DACH1: variants seen among roughly 807,000 people sequenced by gnomAD.
DACH1 encodes dachshund family transcription factor 1, also known as dachshund homolog 1.
A neutral mutation model predicts 54.2 loss-of-function variants in DACH1; 12 were observed. The ratio of observed to expected loss-of-function variants is 0.22; its 90% CI spans 0.14 to 0.36. The LOEUF (loss-of-function observed/expected upper bound fraction) is 0.36. DACH1 is among the 10% of genes least tolerant of loss of function. The probability of loss-of-function intolerance (pLI) is 1.00; values close to 1 mark genes in which losing one functional copy is unlikely to be tolerated. For missense variants in DACH1, 805 were observed against 929.8 expected (o/e 0.87, Z 1.75); for synonymous variants, 386 against 366.2 (o/e 1.05, Z -0.62).
chr13:71,833,851 A>G (rs1235142441), intron 1 of DACH1, among the ~76,000 whole-genome samples: 1 of 152,096 alleles, frequency 6.6e-6, no homozygotes, highest in Non-Finnish European at 1.5e-5. Context: ...ACTACAATTT[A>G]TTAACTAGCA....
rs191917434 is a variant in DACH1 at position 71,848,754 on chromosome 13, T to A, written c.848+17168A>T. On this transcript the variant is annotated intron_variant, in intron 1 of 10. Transcript: ENST00000613252. ...TGCCCAGGATGGTCTGGAACCCCCA[T>A]GCTCAAGTGATCCTCCCACCTTGGC... Among the ~76,000 whole-genome samples, 49 of 152,196 alleles carry A rather than the reference T, an allele frequency of 3.2e-4. 1 individual carries two copies. Among genetic ancestry groups the A allele is most frequent in the Admixed American group, 2.9e-3 (45 of 15,290 alleles).
chr13:71,866,445 C>T lies in DACH1; in HGVS notation c.325G>A (p.Ala109Thr). The stretch of plus-strand genomic sequence containing the variant: ...CCGCCGCTGCCGTTGCTCGCGGCCG[C>T]CAGGTTGGGGTTGCAGTTGCTGCCA... The part of the protein sequence containing the change: ...GGGSNCNPNL[A>T]AASNGSGGGG... Residue 109 changes from alanine (A) to threonine (T), a missense_variant, in exon 1 of 11, where the codon GCG (alanine) becomes ACG (threonine). Ala to Thr is a moderately conservative substitution (Grantham distance 58, BLOSUM62 0). Around this residue, in one of 3 missense-constraint regions of DACH1, gnomAD observed 305 missense variants for 308.7 expected, o/e 0.99. Transcript: ENST00000613252. 3.6e-6 allele frequency: 5 copies of T among 1,406,612 alleles called. No homozygotes were observed. In the South Asian group the frequency reaches 5.8e-5, roughly 16 times the overall value. 87.1% of individuals were successfully genotyped at this position (1,406,612 alleles called of 1,614,324 possible).
At chr13:71,676,083 T>C (rs1356175457) in intron 2 of DACH1, among the ~76,000 whole-genome samples, 1 of 152,246 alleles carries the variant, frequency 6.6e-6, no homozygotes, top group East Asian at 1.9e-4. Flanking sequence ...TAGATTGTTA[T>C]GTTTAATTTA....
chr13:71,449,369 T>A (rs1257133534), intron 10 of DACH1, among the ~76,000 whole-genome samples: 1 of 152,008 alleles, frequency 6.6e-6, no homozygotes, highest in East Asian at 1.9e-4. Flanking sequence ...ATGAATTACA[T>A]AATAGACCAA....
chr13:71,649,042 A>G (rs1878494165), intron 2 of DACH1, among the ~76,000 whole-genome samples: 1 of 152,192 alleles, frequency 6.6e-6, no homozygotes, highest in Non-Finnish European at 1.5e-5. Flanking sequence ...ATAGTCATGC[A>G]CTGCATAATG....
chr13:71,822,887 A>C (rs1222122009), intron 1 of DACH1, among the ~76,000 whole-genome samples: 1 of 152,166 alleles, frequency 6.6e-6, no homozygotes, highest in African/African-American at 2.4e-5. Flanking sequence ...AATGAAAAAA[A>C]TCATAATCTG....
intron 2 of DACH1, among the ~76,000 whole-genome samples, chr13:71,658,127 G>T (rs1879258503): frequency 6.6e-6 from 1 of 152,110 alleles, no homozygotes; most frequent in Non-Finnish European, 1.5e-5. Context: ...CATAATGTTT[G>T]AAAATATCAT....
intron 1 of DACH1, among the ~76,000 whole-genome samples, chr13:71,748,243 T>C (rs1884693752): frequency 1.3e-5 from 2 of 151,724 alleles, no homozygotes; most frequent in African/African-American, 4.8e-5. Flanking sequence ...AGGGTAACAT[T>C]GTCTCTGCTC....
intron 2 of DACH1, among the ~76,000 whole-genome samples, chr13:71,663,897 C>T (rs1391550279): frequency 8.8e-4 from 134 of 152,034 alleles, no homozygotes; most frequent in African/African-American, 3.0e-3. Flanking sequence ...TTAATATCCA[C>T]ATAATTTTTC....
intron 6 of DACH1, among the ~76,000 whole-genome samples, chr13:71,491,303 A>G (rs1417963752): frequency 6.6e-6 from 1 of 152,146 alleles, no homozygotes; most frequent in East Asian, 1.9e-4. Flanking sequence ...ATAGCCACTA[A>G]TACAGTTTTC....
chr13:71,603,450 C>T (rs1874651554), intron 3 of DACH1, among the ~76,000 whole-genome samples: 1 of 151,990 alleles, frequency 6.6e-6, no homozygotes, highest in Admixed American at 6.6e-5. Context: ...GTTCAGTACA[C>T]CAAACCTCCC....
chr13:71,839,894 AC>A (rs1251966067), intron 1 of DACH1, among the ~76,000 whole-genome samples: 1 of 151,970 alleles, frequency 6.6e-6, no homozygotes, highest in African/African-American at 2.4e-5. Flanking sequence ...ATTTTAGTTT[AC>A]TTTTTCTTTT....
intron 1 of DACH1, among the ~76,000 whole-genome samples, chr13:71,740,829 T>C (rs1435002040): frequency 6.6e-6 from 1 of 152,194 alleles, no homozygotes; most frequent in Non-Finnish European, 1.5e-5. Context: ...TCATTTTTCA[T>C]ACTGAAAACA....
chr13:71,669,881 C>T (rs976171896), intron 2 of DACH1, among the ~76,000 whole-genome samples: 18 of 152,018 alleles, frequency 1.2e-4, no homozygotes, highest in South Asian at 4.1e-4. Flanking sequence ...AGCTAGCAAG[C>T]GATGAGGAAG....
chr13:71,465,930 A>T (rs1177134481), intron 10 of DACH1, among the ~76,000 whole-genome samples: 1 of 152,164 alleles, frequency 6.6e-6, no homozygotes, highest in African/African-American at 2.4e-5. Flanking sequence ...AGTACCATAA[A>T]AAGATGTAAG....
intron 2 of DACH1, among the ~76,000 whole-genome samples, chr13:71,674,498 CCA>C (rs1329938588): frequency 6.8e-6 from 1 of 148,068 alleles, no homozygotes; most frequent in Admixed American, 6.7e-5. Context: ...GGCGACATTA[CCA>C]CAGAGTCAGA....
Position 71,766,045 on chromosome 13 carries a change from T to C in DACH1, c.849-84135A>G, listed in dbSNP as rs376965517. Reference sequence around the variant, plus strand: ...GGGACAACAGGCGCCCGCCACCACGTCCAGCTAATTTTTTGTATTTTTAGT... The same window carrying C: ...GGGACAACAGGCGCCCGCCACCACGCCCAGCTAATTTTTTGTATTTTTAGT... On this transcript the variant is annotated intron_variant, in intron 1 of 10. Transcript: ENST00000613252. Among the ~76,000 whole-genome samples the C allele has an allele frequency of 3.2e-3, 491 of 152,052 alleles. 1 individual carries two copies. The highest frequency in any genetic ancestry group is 0.01 in the African/African-American group (433 of 41,516).
At chr13:71,792,978 G>T (rs998873967) in intron 1 of DACH1, among the ~76,000 whole-genome samples, 1 of 152,102 alleles carries the variant, frequency 6.6e-6, no homozygotes, top group South Asian at 2.1e-4. Context: ...TATTGTAAAG[G>T]TCCTCTCTTT....
chr13:71,604,712 CTT>C (rs1874749562), intron 3 of DACH1, among the ~76,000 whole-genome samples: 1 of 151,814 alleles, frequency 6.6e-6, no homozygotes, highest in Admixed American at 6.6e-5. Flanking sequence ...AACTAGACAC[CTT>C]AGAGAACCCA....
Sources: gnomAD v4.1 joint callset for allele counts (sites outside exome capture counted in the v4.1 genomes callset) on GRCh38, gnomAD v4.1.1 for gene constraint, gnomAD v4.1.1 regional missense constraint, MANE v1.5 for transcripts, NCBI Gene and HGNC (gene_info 2026-07-23, HGNC 2026-07-21) for gene names.